CDC5L: variants seen among roughly 807,000 people sequenced by gnomAD.
The protein encoded by CDC5L is cell division cycle 5-like protein.
Under a neutral mutation model 104.1 loss-of-function variants are expected in CDC5L, and 18 were observed. The observed-to-expected ratio is 0.17, with a 90% CI of 0.12 to 0.26. CDC5L has a LOEUF of 0.26. Among genes scored for constraint, CDC5L ranks in the 10% least tolerant of loss-of-function variants. The pLI is 1.00. For missense variants in CDC5L, 673 were observed against 956.9 expected, an observed-to-expected ratio of 0.70 and a Z score of 3.91; for synonymous variants, 331 against 322.7, an observed-to-expected ratio of 1.03 and a Z score of -0.28.
intron 14 of CDC5L, among the ~76,000 whole-genome samples, chr6:44,438,880 C>T (rs1437994646): frequency 6.6e-6 from 1 of 151,908 alleles, no homozygotes; most frequent in Non-Finnish European, 1.5e-5. Context: ...ATATAAATTA[C>T]ATACCATAAA....
intron 11 of CDC5L, among the ~76,000 whole-genome samples, chr6:44,425,388 T>C (rs1339215512): frequency 3.3e-5 from 5 of 152,134 alleles, no homozygotes; most frequent in African/African-American, 4.8e-5. Flanking sequence ...CTCAACAAGC[T>C]CAGATGAATT....
At chr6:44,391,164 TTA>T (rs1438773142) in intron 2 of CDC5L, among the ~76,000 whole-genome samples, 2 of 145,728 alleles carry the variant, frequency 1.4e-5, no homozygotes, top group Non-Finnish European at 3.0e-5. Context: ...ATTTAATATG[TTA>T]TATATTGTAT....
Position 44,387,731 on chromosome 6 carries a change from AG to A in CDC5L, c.-91del, listed in dbSNP as rs1046313463. Reference sequence around the variant, plus strand: ...CTTCAAAGCAGAAGGTCGCGCTTGGAGGAAGTGGCGGCTTTGAGTCCGGTGG... The same window carrying A: ...CTTCAAAGCAGAAGGTCGCGCTTGGAGAAGTGGCGGCTTTGAGTCCGGTGG... On this transcript the variant is annotated 5_prime_UTR_variant, in exon 1 of 16. Transcript: ENST00000371477. The A allele has an allele frequency of 2.7e-6, 3 of 1,124,170 alleles. No individual in the cohort carries two copies. Among genetic ancestry groups the A allele is most frequent in the East Asian group, 2.6e-5 (1 of 38,766 alleles). 69.6% of individuals were successfully genotyped at this position (1,124,170 alleles called of 1,614,324 possible).
In CDC5L at chr6:44,450,383, T is replaced by A. The variant is rs912547597; in HGVS notation, c.*3672T>A. 1.3e-5 allele frequency: 2 copies of A among 152,244 alleles called. No individual in the cohort carries two copies. The highest frequency in any genetic ancestry group is 2.9e-5 in the Non-Finnish European group (2 of 68,048). The allele number at this position is 152,244 out of a possible 1,614,324, so 9.4% of individuals were successfully genotyped here. On this transcript the variant is annotated 3_prime_UTR_variant, in exon 16 of 16. Transcript: ENST00000371477. The stretch of plus-strand genomic sequence containing the variant: ...TTGTGACTATTATGTTACCTATTTT[T>A]AAATTTAAGCAACTTTAAATTAAAA...
chr6:44,391,261 T>A (rs1013598784), intron 2 of CDC5L, among the ~76,000 whole-genome samples: 1 of 151,644 alleles, frequency 6.6e-6, no homozygotes, highest in Non-Finnish European at 1.5e-5. Context: ...TTTATTTTTA[T>A]TTTTTGGGAC....
intron 1 of CDC5L, among the ~76,000 whole-genome samples, chr6:44,389,356 G>A (rs1790493019): frequency 1.3e-5 from 2 of 152,180 alleles, no homozygotes; most frequent in South Asian, 4.1e-4. Flanking sequence ...AAGCTCTGCA[G>A]TCTTTTTAAA....
chr6:44,392,664 T>C lies in CDC5L; in HGVS notation c.150-3T>C. On this transcript the variant is annotated splice_region_variant and splice_polypyrimidine_tract_variant and intron_variant, in intron 2 of 15. Coordinates refer to ENST00000371477, the MANE Select transcript of CDC5L (RefSeq NM_001253.4). ...AATATATAAAATGATCTATGTTTAA[T>C]AGGTATGAATGGCTGGATCCAAGCA... 1 of 1,613,092 alleles carries C rather than the reference T, an allele frequency of 6.2e-7. No individual in the cohort carries two copies. Among genetic ancestry groups the C allele is most frequent in the Non-Finnish European group, 8.5e-7 (1 of 1,179,304 alleles).
rs140264330 is a variant in CDC5L at position 44,416,151 on chromosome 6, A to G, written c.1093-3298A>G. The stretch of plus-strand genomic sequence containing the variant: ...AGTCAAGATTTAATTAAGGAAACAG[A>G]ACCACTAGGAAAATCATGGAATAAG... On this transcript the variant is annotated intron_variant, in intron 8 of 15. Transcript: ENST00000371477. Among the ~76,000 whole-genome samples the G allele has an allele frequency of 2.9e-3, 449 of 152,282 alleles. 2 individuals are homozygous for G. Among genetic ancestry groups the G allele is most frequent in the African/African-American group, 0.01 (429 of 41,554 alleles).
At chr6:44,445,286 G>T (rs567101653) in intron 14 of CDC5L, among the ~76,000 whole-genome samples, 20 of 152,222 alleles carry the variant, frequency 1.3e-4, no homozygotes, top group African/African-American at 4.8e-4. Context: ...AAATTTTTGG[G>T]ATATAGATGA....
chr6:44,412,844 G>A lies in CDC5L; in HGVS notation c.1092+4212G>A, dbSNP rs1581650599. On this transcript the variant is annotated intron_variant, in intron 8 of 15. Coordinates refer to ENST00000371477, the MANE Select transcript of CDC5L (RefSeq NM_001253.4). ...GTCGCCCAGGCTGGAGTGCAGTGGC[G>A]GGATCTCGGCTCACTGCAAGCTCCG... is the stretch of plus-strand genomic sequence containing the variant. 2.1e-5 allele frequency among the ~76,000 whole-genome samples: 3 copies of A among 141,796 alleles called. No homozygotes were observed. In the Admixed American group the frequency reaches 2.1e-4, roughly 10 times the overall value. The allele number at this position is 141,796 out of a possible 152,430, so 93.0% of individuals were successfully genotyped here.
At position 44,447,537 on chromosome 6, in the gene CDC5L, T is replaced by C. The variant is rs776679428; in HGVS notation, c.*826T>C. ...TTTTATATAATTCATATAAATTGAT[T>C]TAGTTACAGTATCAGTTGGCTACAA... On this transcript the variant is annotated 3_prime_UTR_variant, in exon 16 of 16. Coordinates refer to ENST00000371477, the MANE Select transcript of CDC5L (RefSeq NM_001253.4). 2 of 152,148 alleles carry C rather than the reference T, an allele frequency of 1.3e-5. No individual in the cohort carries two copies. The highest frequency in any genetic ancestry group is 2.9e-5 in the Non-Finnish European group (2 of 68,022). 9.4% of individuals were successfully genotyped at this position (152,148 alleles called of 1,614,324 possible).
At chr6:44,430,087 TTG>T (rs1491173884) in intron 14 of CDC5L, among the ~76,000 whole-genome samples, 177 bp downstream of exon 14, 1 of 151,962 alleles carries the variant, frequency 6.6e-6, no homozygotes, top group Non-Finnish European at 1.5e-5. Context: ...TTGTTTTTTT[TTG>T]TTTGTTTTGT....
chr6:44,404,029 T>A lies in CDC5L; in HGVS notation c.758+2T>A. 6.3e-7 allele frequency: 1 copy of A among 1,599,978 alleles called. No individual in the cohort carries two copies. Among genetic ancestry groups the A allele is most frequent in the Non-Finnish European group, 8.5e-7 (1 of 1,174,662 alleles). On this transcript the variant is annotated splice_donor_variant, in intron 6 of 15. Transcript: ENST00000371477. LOFTEE classifies it high-confidence loss of function. ...GGATCTTGATGGGGAGCTAAGATCGTAAGTTGCCTTTCTGATTTTGGAAAT... is the reference window on the plus strand; with the variant it reads ...GGATCTTGATGGGGAGCTAAGATCGAAAGTTGCCTTTCTGATTTTGGAAAT...
At chr6:44,437,977 T>G (rs1378535794) in intron 14 of CDC5L, among the ~76,000 whole-genome samples, 2 of 152,050 alleles carry the variant, frequency 1.3e-5, no homozygotes, top group Non-Finnish European at 2.9e-5. Flanking sequence ...GGAGACAGGG[T>G]CTTTCTCTGT....
At chr6:44,445,239 A>G (rs986414243) in intron 14 of CDC5L, among the ~76,000 whole-genome samples, 11 of 152,136 alleles carry the variant, frequency 7.2e-5, no homozygotes, top group African/African-American at 2.7e-4. Flanking sequence ...AAATTATAAA[A>G]GTTGGGGTCT....
intron 8 of CDC5L, among the ~76,000 whole-genome samples, chr6:44,417,879 C>G (rs554642574): frequency 3.5e-4 from 54 of 152,330 alleles, no homozygotes; most frequent in African/African-American, 1.3e-3. Context: ...CCCAGGCATT[C>G]AGACATTTGG....
At chr6:44,412,737 A>G (rs570245243) in intron 8 of CDC5L, among the ~76,000 whole-genome samples, 1 of 150,242 alleles carries the variant, frequency 6.7e-6, no homozygotes, top group Admixed American at 6.6e-5. Flanking sequence ...TACTGTATTT[A>G]CCGAGTTGTA....
intron 8 of CDC5L, among the ~76,000 whole-genome samples, chr6:44,414,420 G>GTA: frequency 6.9e-6 from 1 of 145,634 alleles, no homozygotes; most frequent in African/African-American, 2.6e-5. Flanking sequence ...GTGTGTGTGT[G>GTA]TGTGTGTGTG....
rs1044375006 is a variant in CDC5L at position 44,447,934 on chromosome 6, T to C, written c.*1223T>C. ...GTATCAGACCATGAGTTTTAGATTCTGTGGAGGAAATTAAAGTAGGGTGAT... is the reference window on the plus strand; with the variant it reads ...GTATCAGACCATGAGTTTTAGATTCCGTGGAGGAAATTAAAGTAGGGTGAT... On this transcript the variant is annotated 3_prime_UTR_variant, in exon 16 of 16. Coordinates refer to ENST00000371477, the MANE Select transcript of CDC5L (RefSeq NM_001253.4). 5 of 152,160 alleles carry C rather than the reference T, an allele frequency of 3.3e-5. No individual in the cohort carries two copies. Among genetic ancestry groups the C allele is most frequent in the African/African-American group, 1.2e-4 (5 of 41,446 alleles). The allele number at this position is 152,160 out of a possible 1,614,324, so 9.4% of individuals were successfully genotyped here. A position where few individuals can be genotyped will look rare whatever the true frequency, so the allele number is the denominator to read the frequency against.
Sources: gnomAD v4.1 joint callset for allele counts (sites outside exome capture counted in the v4.1 genomes callset) on GRCh38, gnomAD v4.1.1 for gene constraint, MANE v1.5 for transcripts, NCBI Gene and HGNC (gene_info 2026-07-23, HGNC 2026-07-21) for gene names.